Variants in EFCAB13 observed in about 807,000 individuals in gnomAD.
EFCAB13 encodes EF-hand calcium binding domain 13, also known as EF-hand calcium-binding domain-containing protein 13.
A neutral mutation model predicts 110.2 loss-of-function variants in EFCAB13; 91 were observed. The ratio of observed to expected loss-of-function variants is 0.83; its 90% CI spans 0.70 to 0.98. EFCAB13 has a LOEUF of 0.98. Ranked by LOEUF, EFCAB13 falls within the 50% of genes least tolerant of loss-of-function variation. The probability of loss-of-function intolerance (pLI) is 0.00; values close to 1 mark genes in which losing one functional copy is unlikely to be tolerated. For synonymous variants in EFCAB13, 323 were observed against 369.9 expected (o/e 0.87, Z 1.45); for missense variants, 968 against 1,119.4 (o/e 0.86, Z 1.93).
intron 15 of EFCAB13, among the ~76,000 whole-genome samples, 198 bp downstream of exon 15, chr17:47,391,778 C>A (rs868204155): frequency 2.5e-4 from 38 of 151,622 alleles, no homozygotes; most frequent in African/African-American, 8.0e-4. Context: ...TATTAATAGT[C>A]TTTTTAATTA....
In EFCAB13 at chr17:47,336,974, G is replaced by A. The variant is rs555566705; in HGVS notation, c.191+1618G>A. Among the ~76,000 whole-genome samples, 31 of 152,220 alleles carry A rather than the reference G, an allele frequency of 2.0e-4. No homozygotes were observed. In the South Asian group the frequency reaches 6.0e-3, roughly 29 times the overall value. ...CTCATCTTACCTGTTGGTGAAACTG[G>A]AAATTACCTACACATTGTGATTGGA... On this transcript the variant is annotated intron_variant, in intron 5 of 24. Transcript: ENST00000331493.
intron 14 of EFCAB13, among the ~76,000 whole-genome samples, chr17:47,381,571 G>A (rs763711575): frequency 2.6e-5 from 4 of 152,140 alleles, no homozygotes; most frequent in Admixed American, 6.5e-5. Flanking sequence ...TTCTGCATAT[G>A]GGTAGCCAGT....
rs1904627701 is a variant in EFCAB13, at chr17:47,420,544, G to T, written c.2494+5625G>T. Among the ~76,000 whole-genome samples, 3 of 152,128 alleles carry T rather than the reference G, an allele frequency of 2.0e-5. No individual in the cohort carries two copies. The South Asian group carries it at 6.2e-4, about 31-fold the overall frequency. ...CGCCATCCCATCTAGGAAGTGAGGAGCGTCTCTGCCCGGCCGCCCATCGTC... is the reference window on the plus strand; with the variant it reads ...CGCCATCCCATCTAGGAAGTGAGGATCGTCTCTGCCCGGCCGCCCATCGTC... On this transcript the variant is annotated intron_variant, in intron 23 of 24. Transcript: ENST00000331493.
Position 47,431,246 on chromosome 17 carries a change from T to A in EFCAB13, c.2638+1285T>A, listed in dbSNP as rs938799286. On this transcript the variant is annotated intron_variant, in intron 24 of 24. Transcript: ENST00000331493. This position sits in a 1 kb window ranked among gnomAD's most constrained non-coding sequence, Gnocchi z 4.1. ...GTACCCATTAACCAACCCCTTTTTT[T>A]AATCTCCTTCCGCCTATATCCTAAC... Among the ~76,000 whole-genome samples the A allele has an allele frequency of 6.6e-6, 1 of 152,122 alleles. No homozygotes were observed. Among genetic ancestry groups the A allele is most frequent in the African/African-American group, 2.4e-5 (1 of 41,452 alleles).
At chr17:47,433,178 A>G (rs374832299) in intron 24 of EFCAB13, among the ~76,000 whole-genome samples, 1 of 152,092 alleles carries the variant, frequency 6.6e-6, no homozygotes, top group African/African-American at 2.4e-5. Context: ...GGTATTTTGT[A>G]TAAACCCTTA....
At chr17:47,379,297 G>A (rs2065633453) in intron 14 of EFCAB13, 44 bp downstream of exon 14, 3 of 1,481,656 alleles carry the variant, frequency 2.0e-6, no homozygotes, top group Non-Finnish European at 2.8e-6. Flanking sequence ...GGGAAGAGCA[G>A]TGTGTTGAGA....
intron 23 of EFCAB13, among the ~76,000 whole-genome samples, chr17:47,418,188 C>A (rs528281337): frequency 1.3e-5 from 2 of 152,288 alleles, no homozygotes; most frequent in South Asian, 4.1e-4. Flanking sequence ...TGAGGGTTAG[C>A]AGCTTTATGG....
intron 9 of EFCAB13, among the ~76,000 whole-genome samples, chr17:47,351,816 T>C (rs973508264): frequency 2.6e-5 from 4 of 152,070 alleles, no homozygotes; most frequent in Admixed American, 1.3e-4. Context: ...TTTTTGTTGT[T>C]GTTGCTTGTG....
intron 21 of EFCAB13, among the ~76,000 whole-genome samples, 193 bp from the exon 22 acceptor site, chr17:47,412,580 A>G (rs527322849): frequency 2.0e-5 from 3 of 152,222 alleles, no homozygotes; most frequent in Admixed American, 1.3e-4. Flanking sequence ...TCTCTTTGCC[A>G]TAATGTTTTT....
chr17:47,434,673 A>C (rs1171558920), intron 24 of EFCAB13, among the ~76,000 whole-genome samples: 1 of 152,206 alleles, frequency 6.6e-6, no homozygotes, highest in Non-Finnish European at 1.5e-5. Flanking sequence ...TCAAAACAGC[A>C]TGGTACTGTT....
intron 14 of EFCAB13, among the ~76,000 whole-genome samples, chr17:47,387,077 C>G (rs900774037): frequency 2.6e-5 from 4 of 152,158 alleles, no homozygotes; most frequent in African/African-American, 9.7e-5. Context: ...CGGAGCTGTT[C>G]CTGTTCAGCC....
chr17:47,400,106 C>T (rs1465411862), intron 17 of EFCAB13, among the ~76,000 whole-genome samples: 1 of 152,236 alleles, frequency 6.6e-6, no homozygotes, highest in African/African-American at 2.4e-5. Context: ...AACTGATATT[C>T]TCTGTTTCTC....
intron 21 of EFCAB13, 39 bp downstream of exon 21, chr17:47,409,730 TAA>T (rs750431251): frequency 3.4e-5 from 50 of 1,463,028 alleles, no homozygotes; most frequent in Non-Finnish European, 9.6e-6. Context: ...TTTTCAATAA[TAA>T]GAGATATTTT....
intron 17 of EFCAB13, among the ~76,000 whole-genome samples, chr17:47,399,514 C>T (rs2065767772): frequency 6.6e-6 from 1 of 151,924 alleles, no homozygotes; most frequent in South Asian, 2.1e-4. Flanking sequence ...TAAAGTTGAG[C>T]TTCTCTGACC....
chr17:47,333,108 A>T (rs2065329480), intron 4 of EFCAB13, among the ~76,000 whole-genome samples: 1 of 152,186 alleles, frequency 6.6e-6, no homozygotes, highest in South Asian at 2.1e-4. Context: ...CTGTTCTAAC[A>T]GAATAGCTAA....
intron 24 of EFCAB13, among the ~76,000 whole-genome samples, chr17:47,433,060 C>T (rs1905149165): frequency 6.6e-6 from 1 of 152,126 alleles, no homozygotes; most frequent in Admixed American, 6.6e-5. Flanking sequence ...GTCTGGGATA[C>T]CATGATGCAT....
Position 47,377,495 on chromosome 17 carries a change from A to G in EFCAB13, c.1373-271A>G, listed in dbSNP as rs911422535. On this transcript the variant is annotated intron_variant, in intron 12 of 24. Transcript: ENST00000331493. Reference sequence around the variant, plus strand: ...TTTATTTTAATCAGAAGCAAGCAGCATTGGCTGGGCCACTGGAACAGGCTG... The same window carrying G: ...TTTATTTTAATCAGAAGCAAGCAGCGTTGGCTGGGCCACTGGAACAGGCTG... 2.6e-5 allele frequency among the ~76,000 whole-genome samples: 4 copies of G among 152,318 alleles called. No individual in the cohort carries two copies. The East Asian group carries it at 5.8e-4, about 22-fold the overall frequency.
intron 17 of EFCAB13, among the ~76,000 whole-genome samples, chr17:47,396,664 C>T (rs72829615): frequency 0.088 from 13,378 of 152,136 alleles, 848 homozygotes; most frequent in East Asian, 0.35. Flanking sequence ...ATTAGTAACA[C>T]GAGCATGCTG....
At chr17:47,325,925 T>TATATATATATATATATATAAACAAA (rs2065281005) in intron 2 of EFCAB13, among the ~76,000 whole-genome samples, 2 of 19,676 alleles carry the variant, frequency 1.0e-4, no homozygotes, top group Non-Finnish European at 2.4e-4. Flanking sequence ...ATAAACAAAA[T>TATATATATATATATATATAAACAAA]ATATATATAT....
Sources: allele counts gnomAD v4.1 joint callset (sites outside exome capture counted in the v4.1 genomes callset), GRCh38; gene constraint gnomAD v4.1.1; non-coding constraint Gnocchi (gnomAD v3.1); transcripts MANE v1.5; gene names NCBI Gene and HGNC (gene_info 2026-07-23, HGNC 2026-07-21).